Variants in PTPRS observed in about 807,000 individuals in gnomAD.
PTPRS encodes protein tyrosine phosphatase receptor type S, also known as receptor-type tyrosine-protein phosphatase S.
In PTPRS, 63 loss-of-function variants were observed where a neutral mutation model predicts 215.3. The observed-to-expected ratio is 0.29, with a 90% confidence interval of 0.24 to 0.36. The LOEUF (loss-of-function observed/expected upper bound fraction) is 0.36. Among genes scored for constraint, PTPRS ranks in the 10% least tolerant of loss-of-function variants. The pLI, the probability that PTPRS is intolerant of heterozygous loss-of-function variation, is 1.00. For missense variants in PTPRS, 2,258 were observed against 2,825.8 expected (o/e 0.80, Z 4.56); for synonymous variants, 1,404 against 1,191.4 (o/e 1.18, Z -3.68).
At chr19:5,214,865 G>A (rs1209360671) in intron 28 of PTPRS, 129 bp from the exon 29 acceptor site, 6 of 964,978 alleles carry the variant, frequency 6.2e-6, no homozygotes, top group African/African-American at 5.0e-5. Context: ...CATGGGACGT[G>A]TACTTCACAG....
chr19:5,215,922 A>AC (rs2041398214), intron 26 of PTPRS, among the ~76,000 whole-genome samples: 1 of 152,016 alleles, frequency 6.6e-6, no homozygotes, highest in African/African-American at 2.4e-5. Flanking sequence ...CAGAAGGGTC[A>AC]CCCCAGAGGA....
chr19:5,260,926 C>T, intron 6 of PTPRS, 104 bp from the exon 7 acceptor site: 1 of 1,343,960 alleles, frequency 7.4e-7, no homozygotes, highest in East Asian at 2.4e-5. Context: ...GGCCTCAGCA[C>T]TCTGCCCCAG....
At chr19:5,265,799 T>G in intron 4 of PTPRS, among the ~76,000 whole-genome samples, 2 of 145,922 alleles carry the variant, frequency 1.4e-5, no homozygotes, top group African/African-American at 5.1e-5. Flanking sequence ...GACTTGGGGG[T>G]GGGTGCTCCT....
chr19:5,258,084 T>C lies in PTPRS; in HGVS notation c.639A>G (p.Lys213=), dbSNP rs762442451. ...IESSEETDQG[K]YECVATNSAG... ...CGCTGTTGGTGGCCACACACTCATA[T>C]TTGCCCTGGTCGGTTTCCTCACTGC... Residue 213 remains lysine, a synonymous_variant, in exon 8 of 38, where the codon AAA becomes AAG. Transcript: ENST00000262963. 2.5e-6 allele frequency: 4 copies of C among 1,614,166 alleles called. No individual in the cohort carries two copies. Among genetic ancestry groups the C allele is most frequent in the Non-Finnish European group, 3.4e-6 (4 of 1,180,018 alleles).
At chr19:5,279,362 T>TTA (rs2047662802) in intron 2 of PTPRS, among the ~76,000 whole-genome samples, 1 of 151,824 alleles carries the variant, frequency 6.6e-6, no homozygotes, top group Non-Finnish European at 1.5e-5. Context: ...TTATTTTATT[T>TTA]TTTCTTCTTC....
In PTPRS at chr19:5,210,870, C is replaced by T; in HGVS notation, c.5235-65G>A. The T allele has an allele frequency of 6.4e-7, 1 of 1,568,828 alleles. No homozygotes were observed. The highest frequency in any genetic ancestry group is 8.6e-7 in the Non-Finnish European group (1 of 1,161,982). On this transcript the variant is annotated intron_variant, in intron 33 of 37. Coordinates refer to ENST00000262963, the MANE Select transcript of PTPRS (RefSeq NM_002850.4). This position sits in a 1 kb window ranked among gnomAD's most constrained non-coding sequence, Gnocchi z 4.5. Reference sequence around the variant, plus strand: ...GACCCGGCGTGGTACTCACCTGATGCTGCCCGGGAGGGTCAGGACCAAGCC... The same window carrying T: ...GACCCGGCGTGGTACTCACCTGATGTTGCCCGGGAGGGTCAGGACCAAGCC...
At chr19:5,265,292 G>A in intron 4 of PTPRS, 96 bp from the exon 5 acceptor site, 4 of 1,190,444 alleles carry the variant, frequency 3.4e-6, no homozygotes, top group Admixed American at 2.4e-5. Context: ...CACGGGTCCA[G>A]CTCCTCCCTG....
chr19:5,259,899 A>T (rs1473016752), intron 7 of PTPRS, among the ~76,000 whole-genome samples: 1 of 152,154 alleles, frequency 6.6e-6, no homozygotes, highest in Admixed American at 6.5e-5. Flanking sequence ...AGGTTCTGGG[A>T]AGCAGGCAGT....
At chr19:5,315,516 A>G (rs943862743) in intron 1 of PTPRS, among the ~76,000 whole-genome samples, 1 of 150,970 alleles carries the variant, frequency 6.6e-6, no homozygotes, top group African/African-American at 2.5e-5. Context: ...GGTGTACACC[A>G]TCATACTTGG....
In PTPRS at chr19:5,210,714, C is replaced by T. The variant is rs116345982; in HGVS notation, c.5326G>A (p.Val1776Met). The change falls in exon 34 of 38, where the codon GTG becomes ATG. Residue 1776 changes from valine (V) to methionine (M), a missense_variant. Val to Met is a conservative substitution (Grantham distance 21, BLOSUM62 1). Coordinates refer to ENST00000262963, the MANE Select transcript of PTPRS (RefSeq NM_002850.4). This position sits in a 1 kb window ranked among gnomAD's most constrained non-coding sequence, Gnocchi z 4.5. ...TCCCGCAGCTTGGTCAGCATCACCA[C>T]GATCGTCGAATTGTTCTCCCACAGC... Reference protein sequence around the residue: ...RMLWENNSTIVVMLTKLREMG... With the variant: ...RMLWENNSTIMVMLTKLREMG... The T allele has an allele frequency of 1.9e-5, 31 of 1,614,206 alleles. No individual in the cohort carries two copies. The highest frequency in any genetic ancestry group is 1.6e-4 in the African/African-American group (12 of 75,068).
chr19:5,266,203 G>A (rs752491345), intron 4 of PTPRS, among the ~76,000 whole-genome samples: 2 of 152,042 alleles, frequency 1.3e-5, no homozygotes, highest in Admixed American at 6.6e-5. Flanking sequence ...AGGTTGTGGT[G>A]AGCCAAGATC....
In PTPRS at chr19:5,219,342, G is replaced by A. The variant is rs2041771006; in HGVS notation, c.3891C>T (p.Ile1297=). The A allele has an allele frequency of 1.2e-6, 2 of 1,614,014 alleles. No homozygotes were observed. The highest frequency in any genetic ancestry group is 2.7e-5 in the African/African-American group (2 of 74,926). The stretch of plus-strand genomic sequence containing the variant: ...AGAGCAGGATAGCAATGACAATGCA[G>A]ATTATGAAGACCACGGCCAGCACAG... ...IGPVLAVVFI[I]CIVIAILLYK... is the part of the protein sequence containing the mutation. Residue 1297 remains isoleucine, a synonymous_variant, in exon 23 of 38, where the codon ATC becomes ATT. Coordinates refer to ENST00000262963, the MANE Select transcript of PTPRS (RefSeq NM_002850.4).
chr19:5,307,513 A>AG (rs2049537510), intron 1 of PTPRS, among the ~76,000 whole-genome samples: 1 of 152,096 alleles, frequency 6.6e-6, no homozygotes, highest in South Asian at 2.1e-4. Flanking sequence ...TATATTTTTA[A>AG]GTGGGGGGGA....
chr19:5,287,961 C>T lies in PTPRS; in HGVS notation c.-94-1727G>A, dbSNP rs906374849. ...CATTCACACAGTCAGGCAGCAGAGA[C>T]GGGCACACACACACACACACACACA... On this transcript the variant is annotated intron_variant, in intron 1 of 37. Coordinates refer to ENST00000262963, the MANE Select transcript of PTPRS (RefSeq NM_002850.4). This position sits in a 1 kb window ranked among gnomAD's most constrained non-coding sequence, Gnocchi z 4.8. Among the ~76,000 whole-genome samples the T allele has an allele frequency of 2.9e-4, 32 of 112,036 alleles. No homozygotes were observed. The highest frequency in any genetic ancestry group is 1.2e-3 in the African/African-American group (30 of 25,598). The allele number at this position is 112,036 out of a possible 152,430, so 73.5% of individuals were successfully genotyped here. A position where few individuals can be genotyped will look rare whatever the true frequency, so the allele number is the denominator to read the frequency against.
chr19:5,281,756 AG>A (rs1201328389), intron 2 of PTPRS, among the ~76,000 whole-genome samples: 1 of 152,162 alleles, frequency 6.6e-6, no homozygotes, highest in Non-Finnish European at 1.5e-5. Flanking sequence ...AGCTGCTGGA[AG>A]GAAGGGCAGA....
chr19:5,220,458 G>A (rs2041882335), intron 20 of PTPRS, 105 bp from the exon 21 acceptor site: 3 of 954,730 alleles, frequency 3.1e-6, no homozygotes, highest in African/African-American at 1.6e-5. Flanking sequence ...CTTCCCTTCT[G>A]TTCATACAAT....
At chr19:5,286,392 A>T (rs1295255939) in intron 1 of PTPRS, 158 bp from the exon 2 acceptor site, 2 of 528,586 alleles carry the variant, frequency 3.8e-6, no homozygotes, top group African/African-American at 3.8e-5. Flanking sequence ...ATGGAATGAA[A>T]GTGCTGGGCC....
intron 1 of PTPRS, among the ~76,000 whole-genome samples, chr19:5,332,130 A>ATTT (rs34525422): frequency 6.9e-6 from 1 of 145,150 alleles, no homozygotes; most frequent in South Asian, 2.2e-4. Context: ...AAATAGGGCA[A>ATTT]TTTTTTTTTT....
chr19:5,253,447 G>A (rs980396549), intron 9 of PTPRS, among the ~76,000 whole-genome samples: 5 of 152,246 alleles, frequency 3.3e-5, no homozygotes, highest in African/African-American at 1.2e-4. Flanking sequence ...GAACATGCCA[G>A]GTAGCCCATC....
Sources: gnomAD v4.1 joint callset for allele counts (sites outside exome capture counted in the v4.1 genomes callset) on GRCh38, gnomAD v4.1.1 for gene constraint, Gnocchi (gnomAD v3.1) non-coding constraint, MANE v1.5 for transcripts, NCBI Gene and HGNC (gene_info 2026-07-23, HGNC 2026-07-21) for gene names.